EXOC6B: variants seen among roughly 807,000 people sequenced by gnomAD.
The protein encoded by EXOC6B is SEC15 homolog B.
Under a neutral mutation model 113.5 loss-of-function variants are expected in EXOC6B, and 54 were observed. That is an observed-to-expected ratio of 0.48 (90% CI 0.38 to 0.60). EXOC6B has a LOEUF of 0.60. EXOC6B is among the 20% of genes least tolerant of loss of function. The pLI is 0.00. For synonymous variants in EXOC6B, 357 were observed against 339.0 expected (o/e 1.05, Z -0.58); for missense variants, 797 against 977.5 (o/e 0.82, Z 2.46).
intron 1 of EXOC6B, among the ~76,000 whole-genome samples, chr2:72,821,767 A>G (rs551124974): frequency 1.3e-5 from 2 of 152,282 alleles, no homozygotes; most frequent in South Asian, 4.1e-4. Flanking sequence ...AAACCCATGA[A>G]GAAAAGTAGT....
Position 72,176,350 on chromosome 2 carries a change from A to G in EXOC6B, c.*2985T>C, listed in dbSNP as rs545888951. 2.0e-5 allele frequency: 3 copies of G among 152,000 alleles called. No homozygotes were observed. Among genetic ancestry groups the G allele is most frequent in the African/African-American group, 7.2e-5 (3 of 41,470 alleles). 9.4% of individuals were successfully genotyped at this position (152,000 alleles called of 1,614,324 possible). ...GTCCTGGGAGAAGGGAGGCTAAGGTAGGGGAATTTCTGCAGCAGTTCCTAG... is the reference window on the plus strand; with the variant it reads ...GTCCTGGGAGAAGGGAGGCTAAGGTGGGGGAATTTCTGCAGCAGTTCCTAG... On this transcript the variant is annotated 3_prime_UTR_variant, in exon 22 of 22. Transcript: ENST00000272427.
At chr2:72,637,789 C>CA (rs60536242) in intron 6 of EXOC6B, among the ~76,000 whole-genome samples, 2,837 of 96,708 alleles carry the variant, frequency 0.029, 70 homozygotes, top group African/African-American at 0.068. Context: ...GACTCTGTCT[C>CA]AAAAAAAAAA....
chr2:72,377,401 C>G (rs935411244), intron 19 of EXOC6B, among the ~76,000 whole-genome samples: 2 of 152,106 alleles, frequency 1.3e-5, no homozygotes, highest in South Asian at 4.1e-4. Flanking sequence ...GATATCTGCA[C>G]TCCTATGTTC....
chr2:72,799,157 T>C (rs1325658715), intron 1 of EXOC6B, among the ~76,000 whole-genome samples: 2 of 147,596 alleles, frequency 1.4e-5, no homozygotes, highest in Non-Finnish European at 3.0e-5. Flanking sequence ...GGAGAATCGC[T>C]TGTGCCCAGG....
At chr2:72,408,661 A>G (rs2105209898) in intron 18 of EXOC6B, among the ~76,000 whole-genome samples, 1 of 152,360 alleles carries the variant, frequency 6.6e-6, no homozygotes, top group East Asian at 1.9e-4. Context: ...CTGGCTAGCC[A>G]TATGTAGAAA....
chr2:72,593,179 A>G (rs188954019), intron 6 of EXOC6B, among the ~76,000 whole-genome samples: 1 of 152,206 alleles, frequency 6.6e-6, no homozygotes, highest in African/African-American at 2.4e-5. Flanking sequence ...ACCTTGTCCT[A>G]TGCATATCTT....
intron 6 of EXOC6B, among the ~76,000 whole-genome samples, chr2:72,578,273 G>C (rs180738997): frequency 3.3e-5 from 5 of 152,128 alleles, no homozygotes; most frequent in Non-Finnish European, 5.9e-5. Flanking sequence ...GGGAAATTGG[G>C]CAGGTGGGGA....
chr2:72,298,838 T>C (rs977130346), intron 20 of EXOC6B, among the ~76,000 whole-genome samples: 1 of 152,240 alleles, frequency 6.6e-6, no homozygotes, highest in Non-Finnish European at 1.5e-5. Context: ...TTGTAGGGTT[T>C]CTGCAGAGAG....
intron 1 of EXOC6B, among the ~76,000 whole-genome samples, chr2:72,813,343 C>G (rs974982352): frequency 6.6e-6 from 1 of 152,212 alleles, no homozygotes; most frequent in Non-Finnish European, 1.5e-5. Context: ...CCTGCTCAGC[C>G]TCCCAAAGTG....
Position 72,485,086 on chromosome 2 carries a change from C to T in EXOC6B, c.1666-4336G>A, listed in dbSNP as rs115465458. ...GTGAACTAATTTACATTCCCAGCAACGGTGTAAAAGCATTCCTATTTCTTG... is the reference window on the plus strand; with the variant it reads ...GTGAACTAATTTACATTCCCAGCAATGGTGTAAAAGCATTCCTATTTCTTG... On this transcript the variant is annotated intron_variant, in intron 16 of 21. Transcript: ENST00000272427. 3.7e-3 allele frequency among the ~76,000 whole-genome samples: 557 copies of T among 152,302 alleles called. 4 individuals carry two copies. The highest frequency in any genetic ancestry group is 0.012 in the African/African-American group (504 of 41,566).
chr2:72,355,673 A>G (rs1022492810), intron 19 of EXOC6B, among the ~76,000 whole-genome samples: 1 of 152,252 alleles, frequency 6.6e-6, no homozygotes, highest in Non-Finnish European at 1.5e-5. Flanking sequence ...AATGCTTCTC[A>G]GATGAGAGAC....
chr2:72,302,676 T>C (rs1558537815), intron 20 of EXOC6B, among the ~76,000 whole-genome samples: 3 of 152,192 alleles, frequency 2.0e-5, no homozygotes. Flanking sequence ...TCCATTTGCT[T>C]GGTAGATTTG....
rs1468623594 is a variant in EXOC6B, at chr2:72,268,612, AT to A, written c.2196+66334del. ...TATCCCCTCGGAATCTCATATTGAAATGTGATATCCAATGTAGGAGGTAGGG... is the reference window on the plus strand; with the variant it reads ...TATCCCCTCGGAATCTCATATTGAAAGTGATATCCAATGTAGGAGGTAGGG... On this transcript the variant is annotated intron_variant, in intron 20 of 21. Transcript: ENST00000272427. Among the ~76,000 whole-genome samples the A allele has an allele frequency of 2.0e-5, 3 of 152,140 alleles. No homozygotes were observed. The East Asian group carries it at 5.8e-4, about 29-fold the overall frequency.
At chr2:72,707,757 T>A (rs755667699) in intron 6 of EXOC6B, among the ~76,000 whole-genome samples, 2 of 152,158 alleles carry the variant, frequency 1.3e-5, no homozygotes, top group Non-Finnish European at 2.9e-5. Context: ...TAGGACAATG[T>A]GTTTCTGCCT....
chr2:72,491,971 T>C (rs1459507301), intron 16 of EXOC6B, among the ~76,000 whole-genome samples: 1 of 152,200 alleles, frequency 6.6e-6, no homozygotes. Flanking sequence ...ACGTTGTACA[T>C]GAACTGCCAT....
At chr2:72,306,599 AT>A (rs1176187434) in intron 20 of EXOC6B, among the ~76,000 whole-genome samples, 1 of 152,152 alleles carries the variant, frequency 6.6e-6, no homozygotes, top group Non-Finnish European at 1.5e-5. Flanking sequence ...CAAACATCTT[AT>A]GTGGTACTTC....
chr2:72,477,677 G>A (rs968937856), intron 17 of EXOC6B, among the ~76,000 whole-genome samples: 1 of 152,114 alleles, frequency 6.6e-6, no homozygotes, highest in Non-Finnish European at 1.5e-5. Context: ...GGCCTACAAG[G>A]CCAGAAATAA....
chr2:72,372,588 G>T (rs1284141510), intron 19 of EXOC6B, among the ~76,000 whole-genome samples: 1 of 152,122 alleles, frequency 6.6e-6, no homozygotes, highest in African/African-American at 2.4e-5. Flanking sequence ...GCTCACACCT[G>T]TAATCCCAGC....
At chr2:72,196,865 A>G (rs575150000) in intron 20 of EXOC6B, among the ~76,000 whole-genome samples, 8 of 152,216 alleles carry the variant, frequency 5.3e-5, no homozygotes, top group Non-Finnish European at 1.2e-4. Context: ...GTGGGATTAA[A>G]TAAATAGATA....
Sources: gnomAD v4.1 joint callset for allele counts (sites outside exome capture counted in the v4.1 genomes callset) on GRCh38, gnomAD v4.1.1 for gene constraint, MANE v1.5 for transcripts, NCBI Gene and HGNC (gene_info 2026-07-23, HGNC 2026-07-21) for gene names.